TNRC6B: variants seen among roughly 807,000 people sequenced by gnomAD.
TNRC6B encodes trinucleotide repeat containing adaptor 6B, also known as trinucleotide repeat-containing gene 6B protein.
Under a neutral mutation model 203.6 loss-of-function variants are expected in TNRC6B, and 52 were observed. The observed-to-expected ratio is 0.26, with a 90% CI of 0.20 to 0.32. TNRC6B has a LOEUF of 0.32. TNRC6B is among the 10% of genes least tolerant of loss of function. The pLI is 1.00. For missense variants in TNRC6B, 1,923 were observed against 2,286.2 expected (o/e 0.84, Z 3.24); for synonymous variants, 838 against 845.7 (o/e 0.99, Z 0.16).
intron 1 of TNRC6B, among the ~76,000 whole-genome samples, chr22:40,049,380 T>C (rs1218837071): frequency 6.6e-6 from 1 of 152,074 alleles, no homozygotes; most frequent in South Asian, 2.1e-4. Context: ...CTGTCCTCCT[T>C]CTTACCTTTT....
At chr22:40,119,341 T>C (rs368130476) in intron 2 of TNRC6B, among the ~76,000 whole-genome samples, 9 of 152,206 alleles carry the variant, frequency 5.9e-5, no homozygotes, top group Admixed American at 2.0e-4. Flanking sequence ...CCCAGCACTT[T>C]GGGAGGCCTA....
chr22:40,168,430 T>C (rs2146364689), intron 4 of TNRC6B, among the ~76,000 whole-genome samples: 1 of 152,236 alleles, frequency 6.6e-6, no homozygotes, highest in African/African-American at 2.4e-5. Context: ...GGAACACAGA[T>C]GGGGGTACTG....
At chr22:40,164,208 C>T in intron 4 of TNRC6B, among the ~76,000 whole-genome samples, 1 of 137,120 alleles carries the variant, frequency 7.3e-6, no homozygotes, top group Non-Finnish European at 1.5e-5. Context: ...ATGGTGAAAA[C>T]CCATCTCTAC....
At chr22:40,201,674 C>T (rs939952276) in intron 1 of TNRC6B, among the ~76,000 whole-genome samples, 29 of 152,020 alleles carry the variant, frequency 1.9e-4, no homozygotes, top group African/African-American at 7.0e-4. Context: ...ATCCTCCCAC[C>T]TCGGCCTCTT....
At chr22:40,093,104 A>G (rs2068162062) in intron 1 of TNRC6B, among the ~76,000 whole-genome samples, 1 of 152,274 alleles carries the variant, frequency 6.6e-6, no homozygotes. Context: ...TGCATGATAA[A>G]TACAATTTTT....
chr22:40,321,081 A>G lies in TNRC6B; in HGVS notation c.4975-9A>G, dbSNP rs546586154. On this transcript the variant is annotated splice_polypyrimidine_tract_variant and intron_variant, in intron 21 of 22. Coordinates refer to ENST00000454349, the MANE Select transcript of TNRC6B (RefSeq NM_001162501.2). Reference sequence around the variant, plus strand: ...CAGTCTTTATCTCATGAATGTCATTACTCCTTAGATTGATGGGTCAACCTT... The same window carrying G: ...CAGTCTTTATCTCATGAATGTCATTGCTCCTTAGATTGATGGGTCAACCTT... 5 of 1,613,688 alleles carry G rather than the reference A, an allele frequency of 3.1e-6. No individual in the cohort carries two copies. In the South Asian group the frequency reaches 5.5e-5, roughly 18 times the overall value.
intron 1 of TNRC6B, among the ~76,000 whole-genome samples, chr22:40,064,642 G>A (rs1415276690): frequency 2.0e-5 from 3 of 149,282 alleles, no homozygotes; most frequent in African/African-American, 7.4e-5. Context: ...TTTTGAGACA[G>A]GGTCTCACTC....
At chr22:40,289,785 C>T (rs1324796419) in intron 12 of TNRC6B, among the ~76,000 whole-genome samples, 1 of 152,162 alleles carries the variant, frequency 6.6e-6, no homozygotes, top group Admixed American at 6.5e-5. Flanking sequence ...CATCATTTTT[C>T]CTCAACTCCA....
At chr22:40,066,843 T>A (rs958617642) in intron 1 of TNRC6B, among the ~76,000 whole-genome samples, 4 of 151,984 alleles carry the variant, frequency 2.6e-5, no homozygotes, top group African/African-American at 9.7e-5. Flanking sequence ...AATACTTTTG[T>A]ACATTTCTCC....
chr22:40,156,442 A>G (rs1434516092), intron 4 of TNRC6B, among the ~76,000 whole-genome samples: 2 of 152,214 alleles, frequency 1.3e-5, no homozygotes, highest in African/African-American at 2.4e-5. Context: ...AAGGCTCAGT[A>G]TGTTCCAAAT....
chr22:40,147,534 C>T (rs1437465650), intron 3 of TNRC6B, among the ~76,000 whole-genome samples: 2 of 152,184 alleles, frequency 1.3e-5, no homozygotes, highest in African/African-American at 4.8e-5. Context: ...AGGCCCCAAT[C>T]CCTGCTTCTA....
At chr22:40,192,089 AC>A (rs1353656974) in intron 1 of TNRC6B, among the ~76,000 whole-genome samples, 2 of 152,082 alleles carry the variant, frequency 1.3e-5, no homozygotes, top group African/African-American at 4.8e-5. Flanking sequence ...CGAACTCCTG[AC>A]CTCAAGTGAT....
chr22:40,254,395 G>T (rs1271125877), intron 3 of TNRC6B, among the ~76,000 whole-genome samples: 3 of 152,132 alleles, frequency 2.0e-5, no homozygotes, highest in South Asian at 2.1e-4. Context: ...TGGCACAGGC[G>T]TGTAATCCCA....
intron 3 of TNRC6B, among the ~76,000 whole-genome samples, chr22:40,142,968 T>C (rs546095325): frequency 6.6e-6 from 1 of 152,358 alleles, no homozygotes; most frequent in African/African-American, 2.4e-5. Context: ...GGCTAAAACG[T>C]TGAAGCCTTT....
intron 1 of TNRC6B, among the ~76,000 whole-genome samples, chr22:40,190,289 C>T (rs2069254853): frequency 6.6e-6 from 1 of 152,160 alleles, no homozygotes; most frequent in Admixed American, 6.5e-5. Flanking sequence ...AAAAGAAAAA[C>T]CAAGCCCACT....
At chr22:40,059,063 C>G (rs1157852480) in intron 1 of TNRC6B, among the ~76,000 whole-genome samples, 1 of 152,198 alleles carries the variant, frequency 6.6e-6, no homozygotes, top group African/African-American at 2.4e-5. Flanking sequence ...TATCAACTGT[C>G]ATTTCTTTCT....
At chr22:40,244,342 GT>G (rs780412336) in intron 1 of TNRC6B, among the ~76,000 whole-genome samples, 29 of 152,198 alleles carry the variant, frequency 1.9e-4, no homozygotes, top group Admixed American at 3.3e-4. Context: ...CTCCTCCTTG[GT>G]TGTGTGGATT....
intron 2 of TNRC6B, among the ~76,000 whole-genome samples, chr22:40,248,746 AT>A (rs754788356): frequency 1.3e-4 from 20 of 152,208 alleles, no homozygotes; most frequent in Non-Finnish European, 2.2e-4. Flanking sequence ...CGTAAATAAA[AT>A]TTTTAAGTGA....
At chr22:40,067,042 T>G (rs1041211789) in intron 1 of TNRC6B, among the ~76,000 whole-genome samples, 2 of 152,064 alleles carry the variant, frequency 1.3e-5, no homozygotes, top group Non-Finnish European at 2.9e-5. Flanking sequence ...TAGCTGGGAT[T>G]ACGGGCACAT....
Sources: allele counts gnomAD v4.1 joint callset (sites outside exome capture counted in the v4.1 genomes callset), GRCh38; gene constraint gnomAD v4.1.1; transcripts MANE v1.5; gene names NCBI Gene and HGNC (gene_info 2026-07-23, HGNC 2026-07-21).